CDH18: variants seen among roughly 807,000 people sequenced by gnomAD.
CDH18 encodes cadherin 18, also known as cadherin-18.
In CDH18, 31 loss-of-function variants were observed where a neutral mutation model predicts 67.9. That is an observed-to-expected ratio of 0.46 (90% CI 0.34 to 0.62). The LOEUF is 0.62. CDH18 is among the 20% of genes least tolerant of loss of function. The pLI is 0.01. For synonymous variants in CDH18, 362 were observed against 347.2 expected (o/e 1.04, Z -0.48); for missense variants, 890 against 975.5 (o/e 0.91, Z 1.17).
rs141877289 is a variant in CDH18, at chr5:19,539,811, C to T, written c.1390+4058G>A. Among the ~76,000 whole-genome samples the T allele has an allele frequency of 1.2e-3, 183 of 152,284 alleles. 2 individuals are homozygous for T. The highest frequency in any genetic ancestry group is 4.3e-3 in the African/African-American group (177 of 41,556). ...GGTCCATGATTCAATTACCTCCCACCAGCTCCCTCCCACAACATGTGGAAA... is the reference window on the plus strand; with the variant it reads ...GGTCCATGATTCAATTACCTCCCACTAGCTCCCTCCCACAACATGTGGAAA... On this transcript the variant is annotated intron_variant, in intron 9 of 12. Coordinates refer to ENST00000382275, the MANE Select transcript of CDH18 (RefSeq NM_004934.5).
At chr5:20,078,786 G>T (rs1370736947) in intron 2 of CDH18, among the ~76,000 whole-genome samples, 7 of 151,774 alleles carry the variant, frequency 4.6e-5, no homozygotes, top group African/African-American at 1.7e-4. Context: ...TTTTTTGTGT[G>T]TGTGTTTTTA....
chr5:19,555,382 T>C (rs1738208846), intron 8 of CDH18, among the ~76,000 whole-genome samples: 1 of 152,212 alleles, frequency 6.6e-6, no homozygotes, highest in Non-Finnish European at 1.5e-5. Context: ...GGCAAGTTCT[T>C]AGCTGTTACC....
chr5:19,995,749 T>C (rs1243244699), intron 2 of CDH18, among the ~76,000 whole-genome samples: 2 of 152,172 alleles, frequency 1.3e-5, no homozygotes, highest in African/African-American at 2.4e-5. Flanking sequence ...ATTTGCTTCC[T>C]GTGCTTCCCT....
chr5:20,524,427 AG>A (rs1233407576), intron 1 of CDH18, among the ~76,000 whole-genome samples: 1 of 152,196 alleles, frequency 6.6e-6, no homozygotes, highest in Non-Finnish European at 1.5e-5. Context: ...TGGAGACCAA[AG>A]AGCTCTAAAC....
intron 5 of CDH18, among the ~76,000 whole-genome samples, chr5:19,688,909 A>T (rs1280944717): frequency 2.0e-5 from 3 of 152,216 alleles, no homozygotes; most frequent in South Asian, 4.1e-4. Flanking sequence ...AATAAATTTA[A>T]GAGCTTCAAC....
At chr5:19,604,504 T>C (rs1443071642) in intron 6 of CDH18, among the ~76,000 whole-genome samples, 1 of 148,974 alleles carries the variant, frequency 6.7e-6, no homozygotes, top group African/African-American at 2.5e-5. Flanking sequence ...ATACAGTTTA[T>C]GCTGAGAATG....
intron 5 of CDH18, among the ~76,000 whole-genome samples, chr5:19,620,193 G>C (rs1321907325): frequency 6.6e-6 from 1 of 152,190 alleles, no homozygotes; most frequent in East Asian, 1.9e-4. Flanking sequence ...AATTGATGGT[G>C]AAGTAGTTTA....
intron 5 of CDH18, among the ~76,000 whole-genome samples, chr5:19,651,500 G>T (rs1352858832): frequency 6.6e-6 from 1 of 151,964 alleles, no homozygotes; most frequent in Admixed American, 6.6e-5. Flanking sequence ...AGTATCAAAA[G>T]CATAACAACT....
chr5:20,311,659 C>T (rs7708538), intron 1 of CDH18, among the ~76,000 whole-genome samples: 3 of 151,764 alleles, frequency 2.0e-5, no homozygotes, highest in Admixed American at 6.6e-5. Flanking sequence ...TGGGGGACTA[C>T]GAGAGGGATA....
intron 2 of CDH18, among the ~76,000 whole-genome samples, chr5:20,236,357 T>A (rs1249498243): frequency 6.6e-6 from 1 of 151,810 alleles, no homozygotes; most frequent in East Asian, 1.9e-4. Context: ...AATGTTTCTT[T>A]AAAGTAATGA....
chr5:19,678,028 G>C (rs1041815802), intron 5 of CDH18, among the ~76,000 whole-genome samples: 2 of 151,694 alleles, frequency 1.3e-5, no homozygotes, highest in Non-Finnish European at 2.9e-5. Flanking sequence ...CTTAATAGTG[G>C]AGACTTCAAC....
intron 1 of CDH18, among the ~76,000 whole-genome samples, chr5:20,460,207 A>G (rs1176338472): frequency 2.6e-5 from 4 of 151,928 alleles, no homozygotes; most frequent in Non-Finnish European, 5.9e-5. Context: ...ATCCTGGCCA[A>G]TGTGGTGAAA....
At position 20,424,062 on chromosome 5, in the gene CDH18, A is replaced by T. The variant is rs535630706; in HGVS notation, c.-580+151400T>A. Among the ~76,000 whole-genome samples the T allele has an allele frequency of 3.3e-5, 5 of 150,680 alleles. No homozygotes were observed. In the East Asian group the frequency reaches 9.6e-4, roughly 29 times the overall value. On this transcript the variant is annotated intron_variant, in intron 1 of 14. Transcript: ENST00000507958. ...GAAGATCTTCAAAAAGTATAAATAAAATATACAATTACAGCAGAAAAAAAT... is the reference window on the plus strand; with the variant it reads ...GAAGATCTTCAAAAAGTATAAATAATATATACAATTACAGCAGAAAAAAAT...
intron 5 of CDH18, among the ~76,000 whole-genome samples, chr5:19,626,730 A>G (rs1316399479): frequency 6.6e-6 from 1 of 152,140 alleles, no homozygotes; most frequent in African/African-American, 2.4e-5. Flanking sequence ...ATACCTAATA[A>G]TACCATATAT....
intron 1 of CDH18, among the ~76,000 whole-genome samples, chr5:20,507,678 T>C (rs945311527): frequency 6.6e-6 from 1 of 152,052 alleles, no homozygotes; most frequent in African/African-American, 2.4e-5. Context: ...CTAGGTTCTA[T>C]GTTTATTTTT....
At chr5:20,022,406 T>C (rs963748374) in intron 2 of CDH18, among the ~76,000 whole-genome samples, 2 of 152,212 alleles carry the variant, frequency 1.3e-5, no homozygotes, top group African/African-American at 4.8e-5. Context: ...TTTATATGAA[T>C]GATATTACCA....
chr5:19,537,837 C>T (rs1749661123), intron 9 of CDH18, among the ~76,000 whole-genome samples: 1 of 152,104 alleles, frequency 6.6e-6, no homozygotes, highest in East Asian at 1.9e-4. Context: ...TAGCAAGTAT[C>T]ATTTATTAAT....
At chr5:20,161,850 G>A (rs1272525374) in intron 2 of CDH18, among the ~76,000 whole-genome samples, 1 of 152,060 alleles carries the variant, frequency 6.6e-6, no homozygotes, top group Non-Finnish European at 1.5e-5. Context: ...GATTATAATT[G>A]CACATTTGGA....
chr5:20,351,191 T>TGTGTGTGTGTGTGTGCGC (rs1420969028), intron 1 of CDH18, among the ~76,000 whole-genome samples: 2 of 148,680 alleles, frequency 1.3e-5, no homozygotes, highest in East Asian at 4.1e-4. Context: ...TGTGTGTGTG[T>TGTGTGTGTGTGTGTGCGC]GCGTGTGTGT....
Sources: gnomAD v4.1 joint callset for allele counts (sites outside exome capture counted in the v4.1 genomes callset) on GRCh38, gnomAD v4.1.1 for gene constraint, MANE v1.5 for transcripts, NCBI Gene and HGNC (gene_info 2026-07-23, HGNC 2026-07-21) for gene names.